The following HEATR6 variants were observed in gnomAD, a reference collection of about 807,000 sequenced individuals.
HEATR6 encodes the protein HEAT repeat containing 6, also known as HEAT repeat-containing protein 6.
A neutral mutation model predicts 132.8 loss-of-function variants in HEATR6; 106 were observed. The ratio of observed to expected loss-of-function variants is 0.80; its 90% CI spans 0.68 to 0.94. The LOEUF (loss-of-function observed/expected upper bound fraction) is 0.94, where lower values mean the gene tolerates loss of function less well. Among genes scored for constraint, HEATR6 ranks in the 40% least tolerant of loss-of-function variants. The pLI, the probability that HEATR6 is intolerant of heterozygous loss-of-function variation, is 0.00. For synonymous variants in HEATR6, 529 were observed against 537.8 expected (o/e 0.98, Z 0.23); for missense variants, 1,339 against 1,425.1 (o/e 0.94, Z 0.97).
chr17:60,046,091 T>C lies in HEATR6; in HGVS notation c.2908A>G (p.Met970Val), dbSNP rs1240090786. The C allele has an allele frequency of 5.0e-6, 8 of 1,614,032 alleles. No individual in the cohort carries two copies. Among genetic ancestry groups the C allele is most frequent in the African/African-American group, 2.7e-5 (2 of 74,940 alleles). The change falls in exon 19 of 20, where the codon ATG becomes GTG. Residue 970 changes from methionine to valine, a missense_variant. By Grantham distance (21) the Met-to-Val change is conservative. Transcript: ENST00000184956. ...LISTVLTEAAMKVRWNACYAM... is the reference protein window; with the variant it reads ...LISTVLTEAAVKVRWNACYAM... ...TAACAAGCATTCCATCGGACTTTCA[T>C]GGCAGCTTCTGTTAGAACAGTAGAA...
chr17:60,067,827 G>T, intron 7 of HEATR6, 95 bp from the exon 8 acceptor site: 1 of 958,050 alleles, frequency 1.0e-6, no homozygotes, highest in South Asian at 1.7e-5. Flanking sequence ...GACTAAATAT[G>T]TCCCCAACAT....
intron 14 of HEATR6, among the ~76,000 whole-genome samples, chr17:60,053,279 A>G (rs981430366): frequency 7.2e-5 from 11 of 152,170 alleles, no homozygotes; most frequent in Non-Finnish European, 1.6e-4. Flanking sequence ...AAGCTTCCGG[A>G]GGTCTCACCA....
Position 60,055,573 on chromosome 17 carries a change from AT to A in HEATR6, c.2230del (p.Ile744TyrfsTer22), listed in dbSNP as rs1254312835. On this transcript the variant is annotated frameshift_variant, in exon 14 of 20. Transcript: ENST00000184956. Reference protein sequence around the residue: ...KLLEELGTGLIQQYKPDSTAA... With the variant: ...KLLEELGTGLXQQYKPDSTAA... ...AGTGGAGTCTGGTTTATACTGCTGT[AT>A]TAAGCCTGTGCCCAGTTCTTCCAGA... The A allele has an allele frequency of 2.5e-6, 4 of 1,612,794 alleles. No homozygotes were observed. Among genetic ancestry groups the A allele is most frequent in the Non-Finnish European group, 3.4e-6 (4 of 1,179,454 alleles).
rs775072660 is a variant in HEATR6 at position 60,066,347 on chromosome 17, A to G, written c.1278T>C (p.Cys426=). 13 of 1,613,504 alleles carry G rather than the reference A, an allele frequency of 8.1e-6. No homozygotes were observed. Among genetic ancestry groups the G allele is most frequent in the Non-Finnish European group, 1.0e-5 (12 of 1,179,806 alleles). Residue 426 remains cysteine, a synonymous_variant, in exon 9 of 20, where the codon TGT becomes TGC. Transcript: ENST00000184956. ...CTATCGATTTTATAGTAGAAAGAAA[A>G]CAAACTAAGGCTCCTTGGCGAACTT... is the stretch of plus-strand genomic sequence containing the variant. The part of the protein sequence containing the change: ...QAKVRQGALV[C]FLSTIKSIEK...
chr17:60,059,097 G>A (rs531795553), intron 11 of HEATR6, among the ~76,000 whole-genome samples: 1 of 152,224 alleles, frequency 6.6e-6, no homozygotes, highest in East Asian at 1.9e-4. Context: ...CTCTACCTAT[G>A]TGTAAGGGAT....
chr17:60,057,952 A>G (rs900554632), intron 11 of HEATR6, among the ~76,000 whole-genome samples: 10 of 151,934 alleles, frequency 6.6e-5, no homozygotes, highest in Non-Finnish European at 1.3e-4. Context: ...TGGGCTCTCT[A>G]TTCTGTTCCA....
At chr17:60,053,278 G>T (rs971677544) in intron 14 of HEATR6, among the ~76,000 whole-genome samples, 3 of 152,166 alleles carry the variant, frequency 2.0e-5, no homozygotes, top group African/African-American at 7.2e-5. Context: ...GAAGCTTCCG[G>T]AGGTCTCACC....
At chr17:60,052,781 GCA>G (rs568643406) in intron 14 of HEATR6, among the ~76,000 whole-genome samples, 3 of 152,248 alleles carry the variant, frequency 2.0e-5, no homozygotes, top group Admixed American at 6.5e-5. Context: ...TTTGGAACTG[GCA>G]CAGTGTAGGG....
intron 7 of HEATR6, 50 bp downstream of exon 7, chr17:60,069,661 A>C: frequency 6.4e-7 from 1 of 1,554,082 alleles, no homozygotes; most frequent in South Asian, 1.1e-5. Context: ...CACACACAAC[A>C]ATCTATTAAA....
In HEATR6 at chr17:60,076,231, T is replaced by C. The variant is rs1002520883; in HGVS notation, c.226A>G (p.Ser76Gly). 6.3e-7 allele frequency: 1 copy of C among 1,589,412 alleles called. No individual in the cohort carries two copies. Among genetic ancestry groups the C allele is most frequent in the Non-Finnish European group, 8.6e-7 (1 of 1,163,898 alleles). ...EGSGVAPEDV[S>G]ALLVQACRLV... ...CGGCAAGCCTGGACAAGAAGAGCAC[T>C]AACGTCCTACCAAAAAAAAAAAGAT... Residue 76 changes from serine (S) to glycine (G), a missense_variant, in exon 2 of 20, where the codon AGT becomes GGT. Coordinates refer to ENST00000184956, the MANE Select transcript of HEATR6 (RefSeq NM_022070.5).
intron 13 of HEATR6, 116 bp downstream of exon 13, chr17:60,055,999 T>C (rs758044276): frequency 1.1e-5 from 13 of 1,208,594 alleles, no homozygotes; most frequent in South Asian, 1.5e-5. Flanking sequence ...ATCTCAGAAT[T>C]GAAGGACATG....
intron 2 of HEATR6, chr17:60,074,135 C>T (rs1191850359): frequency 2.5e-6 from 3 of 1,206,816 alleles, no homozygotes; most frequent in Non-Finnish European, 3.1e-6. Context: ...TGTAACTTTT[C>T]CTTGAACTAA....
In HEATR6 at chr17:60,043,268, T is replaced by C. The variant is rs375255882; in HGVS notation, c.*295A>G. The C allele has an allele frequency of 1.3e-3, 460 of 347,658 alleles. 5 individuals are homozygous for C. Among genetic ancestry groups the C allele is most frequent in the South Asian group, 0.011 (231 of 21,308 alleles). The allele number at this position is 347,658 out of a possible 1,614,324, so 21.5% of individuals were successfully genotyped here. On this transcript the variant is annotated 3_prime_UTR_variant, in exon 20 of 20. Transcript: ENST00000184956. ...TAATTCCGAAATCCTTCTACATTTT[T>C]TTTTTCTGAGACTAAATGCCCTCAA... is the stretch of plus-strand genomic sequence containing the variant.
intron 4 of HEATR6, among the ~76,000 whole-genome samples, chr17:60,072,701 G>A (rs1482209668): frequency 6.6e-6 from 1 of 152,190 alleles, no homozygotes; most frequent in Non-Finnish European, 1.5e-5. Flanking sequence ...GGACAGCACT[G>A]TGCTATGCAG....
At chr17:60,061,110 TA>T (rs2083208445) in intron 9 of HEATR6, among the ~76,000 whole-genome samples, 1 of 152,162 alleles carries the variant, frequency 6.6e-6, no homozygotes, top group Non-Finnish European at 1.5e-5. Context: ...CCAAAAATGA[TA>T]ATTAACATTT....
intron 12 of HEATR6, 149 bp from the exon 13 acceptor site, chr17:60,056,386 G>T: frequency 1.5e-6 from 1 of 654,762 alleles, no homozygotes; most frequent in Non-Finnish European, 2.5e-6. Context: ...TTTATTTTGT[G>T]ACTAACATCA....
chr17:60,049,743 T>C (rs184433468), intron 15 of HEATR6, 41 bp from the exon 16 acceptor site: 2 of 1,602,576 alleles, frequency 1.2e-6, no homozygotes, highest in Admixed American at 3.3e-5. Context: ...GAGAATGAAA[T>C]AACTACAAGC....
chr17:60,057,103 C>G lies in HEATR6; in HGVS notation c.2024G>C (p.Gly675Ala). Residue 675 changes from glycine (G) to alanine (A), a missense_variant, in exon 12 of 20, where the codon GGC becomes GCC. Physicochemically the swap from Gly to Ala is moderately conservative, Grantham distance 60. Transcript: ENST00000184956. ...TTCGTAGGTGCTTCCTGCTGCAGAG[C>G]CAGCATCGCTACCTGAACAGGAATC... is the stretch of plus-strand genomic sequence containing the variant. ...KEDSCSGSDA[G>A]SAAGSTYEPS... 6.2e-7 allele frequency: 1 copy of G among 1,613,804 alleles called. No homozygotes were observed. Among genetic ancestry groups the G allele is most frequent in the South Asian group, 1.1e-5 (1 of 91,040 alleles).
In HEATR6 at chr17:60,041,058, C is replaced by T. The variant is rs1473636025; in HGVS notation, c.*2505G>A. On this transcript the variant is annotated 3_prime_UTR_variant, in exon 20 of 20. Transcript: ENST00000184956. ...AAGTTGTCTTTATTGTCAGTGGCTT[C>T]CTTTCCCCACAGCAGCTTTATGGAG... Among the ~76,000 whole-genome samples the T allele has an allele frequency of 1.3e-5, 2 of 152,208 alleles. No homozygotes were observed. The highest frequency in any genetic ancestry group is 6.5e-5 in the Admixed American group (1 of 15,282).
Sources: allele counts gnomAD v4.1 joint callset (sites outside exome capture counted in the v4.1 genomes callset), GRCh38; gene constraint gnomAD v4.1.1; transcripts MANE v1.5; gene names NCBI Gene and HGNC (gene_info 2026-07-23, HGNC 2026-07-21).